Variants in SIK3 observed in about 807,000 individuals in gnomAD.
SIK3 encodes serine/threonine-protein kinase SIK3.
SIK3 carries 28 observed loss-of-function variants against 144.2 expected under a neutral mutation model. That is an observed-to-expected ratio of 0.19 (90% CI 0.14 to 0.27). The LOEUF (loss-of-function observed/expected upper bound fraction) is 0.27, where lower values mean the gene tolerates loss of function less well. Among genes scored for constraint, SIK3 ranks in the 10% least tolerant of loss-of-function variants. The probability of loss-of-function intolerance (pLI) is 1.00; values close to 1 mark genes in which losing one functional copy is unlikely to be tolerated. For missense variants in SIK3, 1,319 were observed against 1,776.0 expected, an observed-to-expected ratio of 0.74 and a Z score of 4.62; for synonymous variants, 686 against 676.3, an observed-to-expected ratio of 1.01 and a Z score of -0.22.
At chr11:117,058,136 A>C (rs917766844) in intron 1 of SIK3, among the ~76,000 whole-genome samples, 1 of 152,206 alleles carries the variant, frequency 6.6e-6, no homozygotes, top group African/African-American at 2.4e-5. Flanking sequence ...TGAGCTTGGC[A>C]TGTGAAGGAT....
chr11:117,098,289 G>A lies in SIK3; in HGVS notation c.127C>T (p.Pro43Ser). ...GSPAAPAAVS[P>S]AAGQPRPPAP... ...GGGGGACGCGGCTGGCCGGCCGCAG[G>A]GGACACGGCAGCGGGGGCGGCTGGG... The change falls in exon 1 of 25, where the codon CCT becomes TCT. Residue 43 changes from proline (P) to serine (S), a missense_variant. By Grantham distance (74) the Pro-to-Ser change is moderately conservative. This residue lies in a region of SIK3 where 114 missense variants were observed against 116.2 expected (regional missense o/e 0.98). Coordinates refer to ENST00000445177, the MANE Select transcript of SIK3 (RefSeq NM_001366686.3). 8.0e-7 allele frequency: 1 copy of A among 1,250,876 alleles called. No homozygotes were observed. Among genetic ancestry groups the A allele is most frequent in the African/African-American group, 1.6e-5 (1 of 63,548 alleles). 77.5% of individuals were successfully genotyped at this position (1,250,876 alleles called of 1,614,324 possible).
intron 1 of SIK3, among the ~76,000 whole-genome samples, chr11:117,041,894 C>T (rs1952756987): frequency 7.3e-6 from 1 of 137,452 alleles, no homozygotes; most frequent in South Asian, 2.3e-4. Context: ...CAGGTAGAGC[C>T]CGTTTATCCC....
intron 1 of SIK3, among the ~76,000 whole-genome samples, chr11:116,964,307 T>G (rs1949446715): frequency 6.6e-6 from 1 of 152,194 alleles, no homozygotes; most frequent in Non-Finnish European, 1.5e-5. Flanking sequence ...GGCTTCCAAT[T>G]TTTTAATTGA....
intron 1 of SIK3, among the ~76,000 whole-genome samples, chr11:117,012,826 G>A (rs530273940): frequency 7.2e-6 from 1 of 138,618 alleles, no homozygotes; most frequent in Admixed American, 7.1e-5. Flanking sequence ...AAATTCTTAG[G>A]GTTTTTTTTT....
chr11:117,094,806 C>G (rs1381026436), intron 1 of SIK3, among the ~76,000 whole-genome samples: 1 of 151,342 alleles, frequency 6.6e-6, no homozygotes, highest in East Asian at 1.9e-4. Context: ...GAACCTCAGG[C>G]TAAGTAAGGC....
intron 15 of SIK3, among the ~76,000 whole-genome samples, chr11:116,866,779 G>C (rs1310220092): frequency 6.6e-6 from 1 of 152,198 alleles, no homozygotes; most frequent in East Asian, 1.9e-4. Flanking sequence ...TGTAAGTCCT[G>C]AGAGACTTTC....
At chr11:117,046,216 G>A (rs1400551268) in intron 1 of SIK3, among the ~76,000 whole-genome samples, 1 of 152,302 alleles carries the variant, frequency 6.6e-6, no homozygotes. Flanking sequence ...ACACAACACT[G>A]AGGCACAATG....
chr11:116,998,165 TAAAA>T, intron 1 of SIK3, among the ~76,000 whole-genome samples: 1 of 142,028 alleles, frequency 7.0e-6, no homozygotes, highest in South Asian at 2.3e-4. Context: ...TATGATAATT[TAAAA>T]AAAAAAAAAA....
At chr11:116,918,085 C>T (rs1012494627) in intron 4 of SIK3, among the ~76,000 whole-genome samples, 1 of 152,056 alleles carries the variant, frequency 6.6e-6, no homozygotes, top group Admixed American at 6.5e-5. Context: ...TTTTAATGGG[C>T]AAATTACAAT....
Position 116,876,916 on chromosome 11 carries a change from C to G in SIK3, c.984+8G>C. The G allele has an allele frequency of 6.2e-7, 1 of 1,613,010 alleles. No homozygotes were observed. The highest frequency in any genetic ancestry group is 1.1e-5 in the South Asian group (1 of 91,062). On this transcript the variant is annotated splice_region_variant and intron_variant, in intron 7 of 24. Coordinates refer to ENST00000445177, the MANE Select transcript of SIK3 (RefSeq NM_001366686.3). ...AGGAGTCCCCTGCAGCAGCGGTTCC[C>G]AGCTCACCCTGTCAAAGTTGGGATC...
chr11:116,977,989 C>A (rs1055866074), intron 1 of SIK3, among the ~76,000 whole-genome samples: 1 of 152,152 alleles, frequency 6.6e-6, no homozygotes, highest in African/African-American at 2.4e-5. Context: ...GAGGCCGAGG[C>A]GGGTGGATCA....
intron 1 of SIK3, among the ~76,000 whole-genome samples, chr11:117,006,528 C>T (rs1006230945): frequency 4.0e-5 from 6 of 151,872 alleles, no homozygotes; most frequent in South Asian, 2.1e-4. Context: ...CTGCACACTG[C>T]GGCTCACACC....
intron 3 of SIK3, among the ~76,000 whole-genome samples, chr11:116,942,379 T>C (rs1948355798): frequency 6.6e-6 from 1 of 152,202 alleles, no homozygotes; most frequent in Non-Finnish European, 1.5e-5. Flanking sequence ...ATGCATTCCC[T>C]GTAGGCACTA....
rs761878271 is a variant in SIK3, at chr11:116,954,127, G to GT, written c.391-21dup. 1.3e-5 allele frequency: 21 copies of GT among 1,601,424 alleles called. No homozygotes were observed. The highest frequency in any genetic ancestry group is 1.8e-5 in the Non-Finnish European group (21 of 1,168,874). On this transcript the variant is annotated intron_variant, in intron 2 of 24. Transcript: ENST00000445177. ...CATAACCTGGTGCAAAGGCAGGAAA[G>GT]TGACAGACAGTGACACAAATGACAG... is the stretch of plus-strand genomic sequence containing the variant.
chr11:117,091,203 T>TC lies in SIK3; in HGVS notation c.273+6939_273+6940insG, dbSNP rs1276674012. On this transcript the variant is annotated intron_variant, in intron 1 of 24. Transcript: ENST00000445177. ...AAAATCCTGAGGTTTTTTTTTTCTT[T>TC]TTTTTTTTTTTTTTTTTTGAGACGG... 2.2e-3 allele frequency among the ~76,000 whole-genome samples: 273 copies of TC among 123,276 alleles called. 2 individuals are homozygous for TC. Among genetic ancestry groups the TC allele is most frequent in the Non-Finnish European group, 3.5e-3 (210 of 60,354 alleles). The allele number at this position is 123,276 out of a possible 152,430, so 80.9% of individuals were successfully genotyped here. A position where few individuals can be genotyped will look rare whatever the true frequency, so the allele number is the denominator to read the frequency against.
rs1468324266 is a variant in SIK3 at position 116,873,649 on chromosome 11, G to A, written c.1582-13C>T. On this transcript the variant is annotated splice_polypyrimidine_tract_variant and intron_variant, in intron 12 of 24. Coordinates refer to ENST00000445177, the MANE Select transcript of SIK3 (RefSeq NM_001366686.3). ...GGAGAGACTGCTCCTGCCAGGAACA[G>A]AGTGGGGAGGACGGACCATGAGATG... 6 of 1,538,184 alleles carry A rather than the reference G, an allele frequency of 3.9e-6. No homozygotes were observed. The highest frequency in any genetic ancestry group is 5.2e-6 in the Non-Finnish European group (6 of 1,147,108).
chr11:117,089,890 C>G (rs1315083400), intron 1 of SIK3, among the ~76,000 whole-genome samples: 2 of 152,188 alleles, frequency 1.3e-5, no homozygotes, highest in Non-Finnish European at 2.9e-5. Context: ...ATTCCTACCT[C>G]TTTGAAAAGC....
intron 4 of SIK3, among the ~76,000 whole-genome samples, chr11:116,899,901 T>C (rs144431604): frequency 4.2e-4 from 64 of 152,340 alleles, no homozygotes; most frequent in African/African-American, 1.4e-3. Flanking sequence ...AGTTTTACTC[T>C]TGTTGACAAC....
rs368718953 is a variant in SIK3 at position 116,989,655 on chromosome 11, G to A, written c.274-32591C>T. Among the ~76,000 whole-genome samples, 21 of 151,934 alleles carry A rather than the reference G, an allele frequency of 1.4e-4. No homozygotes were observed. In the South Asian group the frequency reaches 2.5e-3, roughly 18 times the overall value. ...TTGGAAAAATTAAAATGAAAAATTA[G>A]ACTTGACTGTGAGTTCCTATTACTG... On this transcript the variant is annotated intron_variant, in intron 1 of 24. Coordinates refer to ENST00000445177, the MANE Select transcript of SIK3 (RefSeq NM_001366686.3).
Sources: allele counts gnomAD v4.1 joint callset (sites outside exome capture counted in the v4.1 genomes callset), GRCh38; gene constraint gnomAD v4.1.1; regional missense constraint gnomAD v4.1.1; transcripts MANE v1.5; gene names NCBI Gene and HGNC (gene_info 2026-07-23, HGNC 2026-07-21).